DLG2: variants seen among roughly 807,000 people sequenced by gnomAD.
DLG2 encodes the protein disks large homolog 2.
DLG2 carries 45 observed loss-of-function variants against 132.5 expected under a neutral mutation model. The observed-to-expected ratio is 0.34, with a 90% confidence interval of 0.27 to 0.44. The LOEUF (loss-of-function observed/expected upper bound fraction) is 0.44. Ranked by LOEUF, DLG2 falls within the 20% of genes least tolerant of loss-of-function variation. The pLI is 1.00. For missense variants in DLG2, 1,045 were observed against 1,196.9 expected (o/e 0.87, Z 1.87); for synonymous variants, 424 against 419.6 (o/e 1.01, Z -0.13).
chr11:84,529,744 A>G lies in DLG2; in HGVS notation c.519+4826T>C, dbSNP rs144252660. On this transcript the variant is annotated intron_variant, in intron 7 of 27. Transcript: ENST00000376104. ...TAAAGCAATTTACACAGTCAGTGCT[A>G]TTCCTATCAAACTGCCAATGACATT... is the stretch of plus-strand genomic sequence containing the variant. 5.1e-4 allele frequency among the ~76,000 whole-genome samples: 77 copies of G among 152,350 alleles called. No individual in the cohort carries two copies. The East Asian group carries it at 0.013, about 26-fold the overall frequency.
chr11:85,460,951 T>G (rs1161155536), intron 3 of DLG2, among the ~76,000 whole-genome samples: 1 of 152,228 alleles, frequency 6.6e-6, no homozygotes, highest in Non-Finnish European at 1.5e-5. Flanking sequence ...TTTGGCTTAT[T>G]TGTTGGTTTG....
chr11:84,313,555 A>AGGGT, intron 7 of DLG2, among the ~76,000 whole-genome samples: 1 of 83,504 alleles, frequency 1.2e-5, no homozygotes, highest in Non-Finnish European at 2.3e-5. Context: ...GAAGGGAGGG[A>AGGGT]GGGAGGGAGG....
chr11:85,172,661 G>T (rs2078958557), intron 4 of DLG2, among the ~76,000 whole-genome samples: 1 of 152,086 alleles, frequency 6.6e-6, no homozygotes, highest in Non-Finnish European at 1.5e-5. Flanking sequence ...GGTTAATAAT[G>T]AATAACAAAC....
chr11:84,882,401 CT>C (rs773989013), intron 6 of DLG2, among the ~76,000 whole-genome samples: 2 of 151,898 alleles, frequency 1.3e-5, no homozygotes, highest in Non-Finnish European at 2.9e-5. Context: ...TTTTTTCTCC[CT>C]TAAGAAGTAA....
chr11:85,141,288 G>C (rs947384812), intron 5 of DLG2, among the ~76,000 whole-genome samples: 2 of 151,740 alleles, frequency 1.3e-5, no homozygotes, highest in African/African-American at 4.8e-5. Context: ...ATACCCCACT[G>C]TTGTTTTGAT....
chr11:83,952,630 C>A (rs768258011), intron 14 of DLG2, among the ~76,000 whole-genome samples: 4 of 152,100 alleles, frequency 2.6e-5, no homozygotes, highest in Admixed American at 6.5e-5. Flanking sequence ...AGCTACTAAA[C>A]ATGTTTTTGA....
chr11:84,353,569 T>A (rs542300873), intron 7 of DLG2, among the ~76,000 whole-genome samples: 3 of 152,318 alleles, frequency 2.0e-5, no homozygotes, highest in African/African-American at 7.2e-5. Flanking sequence ...GCTTTTTAAC[T>A]ATTGTCTCCT....
At chr11:83,694,073 T>C (rs2081452671) in intron 18 of DLG2, among the ~76,000 whole-genome samples, 1 of 152,226 alleles carries the variant, frequency 6.6e-6, no homozygotes, top group South Asian at 2.1e-4. Context: ...TAAGTATTAT[T>C]GGTCCACTTG....
chr11:84,583,839 G>A (rs1215336077), intron 6 of DLG2, among the ~76,000 whole-genome samples: 1 of 151,818 alleles, frequency 6.6e-6, no homozygotes, highest in Non-Finnish European at 1.5e-5. Flanking sequence ...TCCTTGACTT[G>A]CTCAACATCA....
At chr11:84,788,496 C>T (rs1026027689) in intron 6 of DLG2, among the ~76,000 whole-genome samples, 1 of 152,096 alleles carries the variant, frequency 6.6e-6, no homozygotes, top group African/African-American at 2.4e-5. Context: ...TACATTCATA[C>T]CTTTGAGTGC....
chr11:85,024,329 T>C (rs892097899), intron 6 of DLG2, among the ~76,000 whole-genome samples: 1 of 152,186 alleles, frequency 6.6e-6, no homozygotes, highest in Admixed American at 6.5e-5. Context: ...ATTTAAAATA[T>C]TTAAACATGA....
intron 18 of DLG2, among the ~76,000 whole-genome samples, chr11:83,688,975 C>T (rs1456287060): frequency 6.6e-6 from 1 of 152,126 alleles, no homozygotes; most frequent in Non-Finnish European, 1.5e-5. Context: ...ATGTCCCAGG[C>T]ACTACATTAT....
intron 8 of DLG2, among the ~76,000 whole-genome samples, chr11:84,217,873 A>T (rs974069736): frequency 6.6e-6 from 1 of 152,180 alleles, no homozygotes; most frequent in Non-Finnish European, 1.5e-5. Context: ...CCATAGTAGA[A>T]AGTAGAACCT....
chr11:84,414,020 A>G (rs2098919713), intron 7 of DLG2, among the ~76,000 whole-genome samples: 1 of 152,086 alleles, frequency 6.6e-6, no homozygotes, highest in Non-Finnish European at 1.5e-5. Flanking sequence ...CAAAACACCC[A>G]TCTCTTATAT....
chr11:84,770,196 T>G (rs1243585347), intron 6 of DLG2, among the ~76,000 whole-genome samples: 2 of 152,122 alleles, frequency 1.3e-5, no homozygotes, highest in African/African-American at 4.8e-5. Context: ...TATTCCCACT[T>G]CACCTTCTCC....
intron 8 of DLG2, chr11:84,167,079 C>G: frequency 2.0e-6 from 1 of 505,846 alleles, no homozygotes; most frequent in East Asian, 5.5e-5. Flanking sequence ...CTAGAAAAAT[C>G]AGAGGATTGA....
intron 19 of DLG2, among the ~76,000 whole-genome samples, chr11:83,601,176 G>A (rs2058474850): frequency 6.6e-6 from 1 of 152,200 alleles, no homozygotes; most frequent in Admixed American, 6.5e-5. Context: ...GCTTTATGTT[G>A]GAAGAGAAAT....
At chr11:84,146,583 A>G (rs1793033) in intron 9 of DLG2, among the ~76,000 whole-genome samples, 151,151 of 152,260 alleles carry the variant, frequency 0.99, 75,067 homozygotes, top group Middle Eastern at 1. Context: ...GTTGCATTGC[A>G]TGAAGAATCT....
intron 16 of DLG2, among the ~76,000 whole-genome samples, chr11:83,856,954 T>C (rs1292435881): frequency 6.6e-6 from 1 of 152,214 alleles, no homozygotes; most frequent in Non-Finnish European, 1.5e-5. Context: ...TTTTATAGTT[T>C]TGGGTTTTAC....
Sources: gnomAD v4.1 joint callset for allele counts (sites outside exome capture counted in the v4.1 genomes callset) on GRCh38, gnomAD v4.1.1 for gene constraint, MANE v1.5 for transcripts, NCBI Gene and HGNC (gene_info 2026-07-23, HGNC 2026-07-21) for gene names.